DPP8: variants seen among roughly 807,000 people sequenced by gnomAD.
DPP8 encodes the protein dipeptidyl peptidase 8.
A neutral mutation model predicts 107.5 loss-of-function variants in DPP8; 31 were observed. The observed-to-expected ratio is 0.29, with a 90% CI of 0.22 to 0.39. The LOEUF (loss-of-function observed/expected upper bound fraction) is 0.39. Ranked by LOEUF, DPP8 falls within the 10% of genes least tolerant of loss-of-function variation. The probability of loss-of-function intolerance (pLI) is 1.00; values close to 1 mark genes in which losing one functional copy is unlikely to be tolerated. For missense variants in DPP8, 842 were observed against 1,076.1 expected (o/e 0.78, Z 3.04); for synonymous variants, 381 against 356.6 (o/e 1.07, Z -0.77).
chr15:65,516,694 A>T (rs963055832), intron 1 of DPP8: 4 of 152,248 alleles, frequency 2.6e-5, no homozygotes, highest in Non-Finnish European at 5.9e-5. Context: ...GATCCACTCA[A>T]GTGAAATTCC....
Position 65,473,393 on chromosome 15 carries a change from A to G in DPP8, c.1536+816T>C, listed in dbSNP as rs146764879. Among the ~76,000 whole-genome samples, 522 of 152,258 alleles carry G rather than the reference A, an allele frequency of 3.4e-3. 3 individuals carry two copies. The highest frequency in any genetic ancestry group is 0.012 in the African/African-American group (503 of 41,552). ...AGACAGACTAACCTATCACAAGTAA[A>G]CATGACATGAAAGAAAACTGATAAA... On this transcript the variant is annotated intron_variant, in intron 12 of 19. Coordinates refer to ENST00000300141, the MANE Select transcript of DPP8 (RefSeq NM_130434.5).
At chr15:65,511,652 A>AG (rs1418320755) in intron 2 of DPP8, among the ~76,000 whole-genome samples, 1 of 150,688 alleles carries the variant, frequency 6.6e-6, no homozygotes. Flanking sequence ...AAAAAAAAAA[A>AG]AAAAAACTAT....
chr15:65,487,761 A>C lies in DPP8; in HGVS notation c.884T>G (p.Val295Gly). 1 of 1,597,988 alleles carries C rather than the reference A, an allele frequency of 6.3e-7. No individual in the cohort carries two copies. Among genetic ancestry groups the C allele is most frequent in the Non-Finnish European group, 8.6e-7 (1 of 1,166,826 alleles). ...ILYEENDESEVEIIHVTSPML... is the reference protein window; with the variant it reads ...ILYEENDESEGEIIHVTSPML... ...AGGGGATGTAACATGAATAATTTCCACCTCAGATTCATCATTTTCTTCATA... is the reference window on the plus strand; with the variant it reads ...AGGGGATGTAACATGAATAATTTCCCCCTCAGATTCATCATTTTCTTCATA... The change falls in exon 7 of 20, where the codon GTG becomes GGG. Residue 295 changes from valine (V) to glycine (G), a missense_variant. Physicochemically the swap from Val to Gly is moderately radical, Grantham distance 109. This residue lies in a region of DPP8 where 663 missense variants were observed against 758.0 expected (regional missense o/e 0.87). Transcript: ENST00000300141.
At position 65,463,811 on chromosome 15, in the gene DPP8, G is replaced by A. The variant is rs1230307867; in HGVS notation, c.1921C>T (p.Gln641Ter). Reference protein sequence around the residue: ...YGMLYKPHDLQPGKKYPTVLF... With the variant: ...YGMLYKPHDL ...ACAGTAGGATATTTCTTTCCAGGCT[G>A]TAGATCATGAGGCTTGTAGAGCATC... The change falls in exon 15 of 20, where the codon CAG becomes TAG. Residue 641 changes from glutamine to a stop codon, truncating the protein, a stop_gained. Coordinates refer to ENST00000300141, the MANE Select transcript of DPP8 (RefSeq NM_130434.5). LOFTEE classifies it high-confidence loss of function. 1 of 1,613,204 alleles carries A rather than the reference G, an allele frequency of 6.2e-7. No homozygotes were observed. Among genetic ancestry groups the A allele is most frequent in the South Asian group, 1.1e-5 (1 of 90,950 alleles).
chr15:65,489,186 C>T (rs1596026636), intron 6 of DPP8, among the ~76,000 whole-genome samples: 1 of 152,154 alleles, frequency 6.6e-6, no homozygotes, highest in South Asian at 2.1e-4. Flanking sequence ...GTCTCGATCT[C>T]CTGACCTCAT....
chr15:65,448,439 G>C (rs1287783517), intron 19 of DPP8, among the ~76,000 whole-genome samples: 1 of 151,530 alleles, frequency 6.6e-6, no homozygotes, highest in Non-Finnish European at 1.5e-5. Flanking sequence ...TTGGGAGGCT[G>C]ACACGTACAG....
chr15:65,515,851 G>T, intron 1 of DPP8: 1 of 640,940 alleles, frequency 1.6e-6, no homozygotes, highest in Non-Finnish European at 2.6e-6. Flanking sequence ...ACCATATGTG[G>T]CCAAAAAGAG....
At position 65,445,374 on chromosome 15, in the gene DPP8, A is replaced by G. The variant is rs932571231; in HGVS notation, c.*1510T>C. The G allele has an allele frequency of 6.6e-6, 1 of 152,364 alleles. No homozygotes were observed. Among genetic ancestry groups the G allele is most frequent in the African/African-American group, 2.4e-5 (1 of 41,462 alleles). The allele number at this position is 152,364 out of a possible 1,614,324, so 9.4% of individuals were successfully genotyped here. A position where few individuals can be genotyped will look rare whatever the true frequency, so the allele number is the denominator to read the frequency against. ...GTGTGATAAAAAGCATCAAACTCAT[A>G]GATGCCTTCCCTGCCACTGGTGTCA... On this transcript the variant is annotated 3_prime_UTR_variant, in exon 20 of 20. Transcript: ENST00000300141.
chr15:65,490,161 C>T (rs751220385), intron 6 of DPP8, 28 bp downstream of exon 6: 1 of 1,078,756 alleles, frequency 9.3e-7, no homozygotes, highest in Non-Finnish European at 1.4e-6. Context: ...TTAATTGACC[C>T]ATAATATATT....
rs1193311864 is a variant in DPP8, at chr15:65,473,800, A to G, written c.1536+409T>C. 9.9e-5 allele frequency among the ~76,000 whole-genome samples: 15 copies of G among 152,208 alleles called. No individual in the cohort carries two copies. The East Asian group carries it at 1.5e-3, about 16-fold the overall frequency. ...TTGAGTAATTTTAGGCCGTAACTTA[A>G]TATTTTAAAAATACTGGGGTCGGCT... is the stretch of plus-strand genomic sequence containing the variant. On this transcript the variant is annotated intron_variant, in intron 12 of 19. Coordinates refer to ENST00000300141, the MANE Select transcript of DPP8 (RefSeq NM_130434.5).
At chr15:65,460,661 C>T (rs567847431) in intron 15 of DPP8, among the ~76,000 whole-genome samples, 2 of 152,310 alleles carry the variant, frequency 1.3e-5, no homozygotes, top group Admixed American at 1.3e-4. Flanking sequence ...GTCAGAACAT[C>T]CTCCTTTTTA....
chr15:65,492,065 G>A (rs2068091166), intron 5 of DPP8, among the ~76,000 whole-genome samples: 1 of 151,488 alleles, frequency 6.6e-6, no homozygotes, highest in South Asian at 2.1e-4. Flanking sequence ...TTGTGGGCCA[G>A]GCGCAGTGGC....
chr15:65,447,940 G>GCC (rs2063591270), intron 19 of DPP8, among the ~76,000 whole-genome samples: 1 of 152,102 alleles, frequency 6.6e-6, no homozygotes, highest in Non-Finnish European at 1.5e-5. Flanking sequence ...ACAATAAAAG[G>GCC]AGTCAATATT....
At chr15:65,471,313 G>A (rs2065875396) in intron 12 of DPP8, among the ~76,000 whole-genome samples, 1 of 152,096 alleles carries the variant, frequency 6.6e-6, no homozygotes, top group African/African-American at 2.4e-5. Flanking sequence ...GTGGAAATGA[G>A]ACCTTAAAGG....
intron 5 of DPP8, among the ~76,000 whole-genome samples, chr15:65,492,581 C>G (rs1319657984): frequency 2.6e-5 from 4 of 152,034 alleles, no homozygotes; most frequent in Non-Finnish European, 5.9e-5. Context: ...CATTACATAT[C>G]TCATAGTGAC....
At chr15:65,506,251 C>A (rs2069970268) in intron 3 of DPP8, among the ~76,000 whole-genome samples, 1 of 151,806 alleles carries the variant, frequency 6.6e-6, no homozygotes, top group East Asian at 1.9e-4. Flanking sequence ...ATCGCTTGAA[C>A]CCGGGAGGCG....
chr15:65,507,130 C>A (rs2070131582), intron 3 of DPP8, 113 bp downstream of exon 3: 1 of 542,492 alleles, frequency 1.8e-6, no homozygotes. Context: ...AACATAAAAA[C>A]ATCTTAATTT....
chr15:65,512,294 C>A lies in DPP8; in HGVS notation c.259+1G>T. ...CTCAGAAACTACAACTTCGTACTCA[C>A]CAAGGTAATAGATTCTGTCTGAATG... is the stretch of plus-strand genomic sequence containing the variant. On this transcript the variant is annotated splice_donor_variant, in intron 2 of 19. Transcript: ENST00000300141. LOFTEE classifies it high-confidence loss of function. 1 of 1,608,196 alleles carries A rather than the reference C, an allele frequency of 6.2e-7. No individual in the cohort carries two copies. Among genetic ancestry groups the A allele is most frequent in the South Asian group, 1.1e-5 (1 of 90,888 alleles).
intron 6 of DPP8, 63 bp from the exon 7 acceptor site, chr15:65,487,881 C>A: frequency 8.9e-7 from 1 of 1,120,570 alleles, no homozygotes; most frequent in Admixed American, 2.4e-5. Flanking sequence ...TCATAACCAA[C>A]CGTTCCTTCT....
Sources: allele counts gnomAD v4.1 joint callset (sites outside exome capture counted in the v4.1 genomes callset), GRCh38; gene constraint gnomAD v4.1.1; regional missense constraint gnomAD v4.1.1; transcripts MANE v1.5; gene names NCBI Gene and HGNC (gene_info 2026-07-23, HGNC 2026-07-21).